The following ADGRL2 variants were observed in gnomAD, a reference collection of about 807,000 sequenced individuals.
ADGRL2 encodes the protein calcium-independent alpha-latrotoxin receptor 2.
ADGRL2 carries 44 observed loss-of-function variants against 157.4 expected under a neutral mutation model. The observed-to-expected ratio is 0.28, with a 90% confidence interval of 0.22 to 0.36. ADGRL2 has a LOEUF of 0.36. ADGRL2 is among the 10% of genes least tolerant of loss of function. ADGRL2 has a pLI of 1.00. For synonymous variants in ADGRL2, 585 were observed against 624.7 expected (o/e 0.94, Z 0.95); for missense variants, 1,510 against 1,768.9 (o/e 0.85, Z 2.63).
intron 3 of ADGRL2, among the ~76,000 whole-genome samples, chr1:81,676,910 C>T (rs148106261): frequency 0.012 from 1,735 of 149,256 alleles, 39 homozygotes; most frequent in African/African-American, 0.04. Context: ...AGGATGTTCT[C>T]GATCTCCTGA....
At chr1:81,623,938 ATCTT>A (rs2081854223) in intron 3 of ADGRL2, among the ~76,000 whole-genome samples, 1 of 151,986 alleles carries the variant, frequency 6.6e-6, no homozygotes, top group Non-Finnish European at 1.5e-5. Flanking sequence ...CCCAGCTGAT[ATCTT>A]TCTAAGGTGG....
upstream of ADGRL2, among the ~76,000 whole-genome samples, chr1:81,694,981 T>C (rs543133264): frequency 1.3e-5 from 2 of 152,318 alleles, no homozygotes; most frequent in African/African-American, 4.8e-5. Context: ...TTGATACATA[T>C]ATTTATTTGA....
At chr1:81,361,994 G>C (rs987981121) in intron 1 of ADGRL2, among the ~76,000 whole-genome samples, 2 of 151,640 alleles carry the variant, frequency 1.3e-5, no homozygotes, top group African/African-American at 4.8e-5. Context: ...GAAAGCCCTT[G>C]GTCCTCTTGG....
intron 3 of ADGRL2, among the ~76,000 whole-genome samples, chr1:81,611,270 C>T (rs536519783): frequency 3.3e-5 from 5 of 152,304 alleles, no homozygotes; most frequent in South Asian, 2.1e-4. Flanking sequence ...CCTTCAGACA[C>T]GGAAGATATG....
chr1:81,341,666 C>T (rs1284959598), intron 1 of ADGRL2, among the ~76,000 whole-genome samples: 2 of 152,058 alleles, frequency 1.3e-5, no homozygotes, highest in Non-Finnish European at 2.9e-5. Context: ...TGATACTTAA[C>T]GTTACTCTCA....
At chr1:81,403,042 T>C (rs1369656119) in intron 1 of ADGRL2, among the ~76,000 whole-genome samples, 1 of 152,214 alleles carries the variant, frequency 6.6e-6, no homozygotes, top group East Asian at 1.9e-4. Flanking sequence ...TAATAAAAAC[T>C]GTGACAAGTG....
intron 1 of ADGRL2, among the ~76,000 whole-genome samples, chr1:81,390,882 A>G (rs528214944): frequency 3.3e-5 from 5 of 152,302 alleles, no homozygotes; most frequent in African/African-American, 1.2e-4. Flanking sequence ...TATTGCAAAG[A>G]TGCTGCCACA....
intron 1 of ADGRL2, among the ~76,000 whole-genome samples, chr1:81,424,954 A>C (rs1490216522): frequency 2.0e-5 from 3 of 152,184 alleles, no homozygotes; most frequent in East Asian, 1.9e-4. Context: ...TCCTCTTCTC[A>C]GTACTTTATA....
chr1:81,351,094 C>G (rs895373047), intron 1 of ADGRL2, among the ~76,000 whole-genome samples: 1 of 152,088 alleles, frequency 6.6e-6, no homozygotes, highest in African/African-American at 2.4e-5. Context: ...TCCCCTTAAG[C>G]CTTTTAAGGG....
chr1:81,515,445 A>G (rs906256359), intron 2 of ADGRL2, among the ~76,000 whole-genome samples: 7 of 53,486 alleles, frequency 1.3e-4, no homozygotes, highest in Middle Eastern at 0.018. Flanking sequence ...GGAACCTCAG[A>G]AAAAAAAAAA....
At chr1:81,462,018 G>A (rs1038201749) in intron 2 of ADGRL2, among the ~76,000 whole-genome samples, 2 of 151,796 alleles carry the variant, frequency 1.3e-5, no homozygotes, top group African/African-American at 2.4e-5. Context: ...CTTCTGGGTC[G>A]GGTGGGGACT....
chr1:81,860,052 G>A (rs942837886), intron 2 of ADGRL2, among the ~76,000 whole-genome samples: 3 of 151,782 alleles, frequency 2.0e-5, no homozygotes, highest in African/African-American at 7.3e-5. Context: ...GTGAAACCCC[G>A]TCTGTACTAA....
intron 2 of ADGRL2, chr1:81,502,484 C>T: frequency 6.2e-7 from 1 of 1,613,954 alleles, no homozygotes; most frequent in Non-Finnish European, 8.5e-7. Context: ...GAGGCGGACC[C>T]CCATCAACCG....
intron 2 of ADGRL2, among the ~76,000 whole-genome samples, chr1:81,870,795 C>T: frequency 6.6e-6 from 1 of 151,816 alleles, no homozygotes; most frequent in South Asian, 2.1e-4. Context: ...TCATGGTTCT[C>T]TATTTTTCTG....
intron 3 of ADGRL2, among the ~76,000 whole-genome samples, chr1:81,679,728 TA>T (rs1217260610): frequency 6.6e-6 from 1 of 152,212 alleles, no homozygotes; most frequent in Non-Finnish European, 1.5e-5. Flanking sequence ...AGATAGAGTT[TA>T]AACAAGAAAT....
rs139585374 is a variant in ADGRL2 at position 81,561,946 on chromosome 1, C to A, written c.-247-18930C>A. Among the ~76,000 whole-genome samples the A allele has an allele frequency of 2.4e-3, 360 of 152,144 alleles. 2 individuals are homozygous for A. The highest frequency in any genetic ancestry group is 8.0e-3 in the African/African-American group (334 of 41,514). On this transcript the variant is annotated intron_variant, in intron 2 of 24. Transcript: ENST00000370721. ...AGCCAAATCTTCATGCCTTTTGGGG[C>A]AACTGACAAAAAACAAAAGTTAGCA...
chr1:81,568,115 A>C (rs2080604513), intron 2 of ADGRL2, among the ~76,000 whole-genome samples: 2 of 152,142 alleles, frequency 1.3e-5, no homozygotes, highest in Middle Eastern at 3.4e-3. Flanking sequence ...ATGATGGCTA[A>C]AATAGAAGGC....
chr1:81,802,185 C>T (rs1261641068), intron 1 of ADGRL2, among the ~76,000 whole-genome samples: 2 of 151,890 alleles, frequency 1.3e-5, no homozygotes, highest in Non-Finnish European at 2.9e-5. Flanking sequence ...CCCGCGCGGC[C>T]CCCACGCCAG....
At chr1:81,677,467 G>A (rs938134202) in intron 3 of ADGRL2, among the ~76,000 whole-genome samples, 2 of 152,176 alleles carry the variant, frequency 1.3e-5, no homozygotes, top group Admixed American at 6.5e-5. Flanking sequence ...GAATAACTCA[G>A]TATAGCTCCT....
Sources: allele counts gnomAD v4.1 joint callset (sites outside exome capture counted in the v4.1 genomes callset), GRCh38; gene constraint gnomAD v4.1.1; transcripts MANE v1.5; gene names NCBI Gene and HGNC (gene_info 2026-07-23, HGNC 2026-07-21).